Variants in SSUH2 observed in about 807,000 individuals in gnomAD.
SSUH2 encodes ssu-2 homolog, also known as protein SSUH2 homolog.
SSUH2 carries 47 observed loss-of-function variants against 55.3 expected under a neutral mutation model. The ratio of observed to expected loss-of-function variants is 0.85; its 90% CI spans 0.67 to 1.08. The LOEUF (loss-of-function observed/expected upper bound fraction) is 1.08, where lower values mean the gene tolerates loss of function less well. SSUH2 is among the 50% of genes least tolerant of loss of function. The pLI is 0.00. For synonymous variants in SSUH2, 212 were observed against 191.5 expected (o/e 1.11, Z -0.89); for missense variants, 535 against 490.7 (o/e 1.09, Z -0.85).
intron 3 of SSUH2, among the ~76,000 whole-genome samples, chr3:8,673,470 G>A (rs1476215402): frequency 2.6e-5 from 4 of 152,052 alleles, no homozygotes; most frequent in African/African-American, 9.7e-5. Context: ...GCATGTTTTT[G>A]TGTACCAGCC....
At chr3:8,644,342 T>C (rs1701370631) in intron 1 of SSUH2, among the ~76,000 whole-genome samples, 1 of 152,196 alleles carries the variant, frequency 6.6e-6, no homozygotes, top group African/African-American at 2.4e-5. Context: ...CAGGAGACAC[T>C]GTCAACTAGA....
intron 1 of SSUH2, among the ~76,000 whole-genome samples, chr3:8,636,339 T>A (rs1227756726): frequency 6.6e-6 from 1 of 152,054 alleles, no homozygotes; most frequent in Non-Finnish European, 1.5e-5. Flanking sequence ...TAAGACTACA[T>A]GGAAGGAGGT....
intron 1 of SSUH2, among the ~76,000 whole-genome samples, chr3:8,680,778 T>C (rs1260425422): frequency 6.6e-6 from 1 of 152,062 alleles, no homozygotes; most frequent in Non-Finnish European, 1.5e-5. Flanking sequence ...TGGAGTAATA[T>C]CAACCTCTCG....
Position 8,623,674 on chromosome 3 carries a change from A to T in SSUH2, c.874-18T>A, listed in dbSNP as rs9809581. The T allele has an allele frequency of 8.0e-6, 11 of 1,370,308 alleles. No homozygotes were observed. The South Asian group carries it at 9.3e-5, about 12-fold the overall frequency. The allele number at this position is 1,370,308 out of a possible 1,614,324, so 84.9% of individuals were successfully genotyped here. ...GGGTACACCTGGGGGAAAGAGAGAG[A>T]GACACAGACCACCTGGCTGCCGCAC... On this transcript the variant is annotated intron_variant, in intron 10 of 11. Coordinates refer to ENST00000544814, the MANE Select transcript of SSUH2 (RefSeq NM_001256748.3).
intron 5 of SSUH2, among the ~76,000 whole-genome samples, chr3:8,669,863 C>A (rs1287075997): frequency 2.2e-5 from 2 of 91,960 alleles, no homozygotes; most frequent in African/African-American, 5.9e-5. Context: ...TGTCACAGAT[C>A]GGAGGAGAAC....
rs553579845 is a variant in SSUH2, at chr3:8,680,187, A to G, written c.-1045-338T>C. On this transcript the variant is annotated intron_variant, in intron 1 of 18. Transcript: ENST00000317371. ...CTCTAAACAACTAGACAGGGTTTCT[A>G]AAGGATGGCCCCCCGTTTGAGGGCC... 7.9e-5 allele frequency among the ~76,000 whole-genome samples: 12 copies of G among 152,312 alleles called. No homozygotes were observed. In the South Asian group the frequency reaches 2.3e-3, roughly 29 times the overall value.
chr3:8,679,179 C>CT lies in SSUH2; in HGVS notation c.-901+525_-901+526insA, dbSNP rs1355171707. Among the ~76,000 whole-genome samples, 23 of 5,628 alleles carry CT rather than the reference C, an allele frequency of 4.1e-3. 7 individuals carry two copies. The highest frequency in any genetic ancestry group is 0.021 in the South Asian group (1 of 48). 3.7% of individuals were successfully genotyped at this position (5,628 alleles called of 152,430 possible). A position where few individuals can be genotyped will look rare whatever the true frequency, so the allele number is the denominator to read the frequency against. On this transcript the variant is annotated intron_variant, in intron 2 of 18. Transcript: ENST00000317371. ...GGACTGAGAGGCAGCCGCTGTTCCC[C>CT]CACACTGGCTCTTGGGACCCCCATC... is the stretch of plus-strand genomic sequence containing the variant.
Position 8,633,813 on chromosome 3 carries a change from G to C in SSUH2, c.210-18C>G, listed in dbSNP as rs774885903. 5.0e-6 allele frequency: 8 copies of C among 1,613,662 alleles called. No homozygotes were observed. The highest frequency in any genetic ancestry group is 1.7e-5 in the Admixed American group (1 of 60,014). ...CAGGGACTCTGCAGGGGACCGAACA[G>C]AGAGGCGGGGGCTTCTGGGAAGGGC... On this transcript the variant is annotated intron_variant, in intron 3 of 11. Coordinates refer to ENST00000544814, the MANE Select transcript of SSUH2 (RefSeq NM_001256748.3).
intron 1 of SSUH2, among the ~76,000 whole-genome samples, chr3:8,641,478 TG>T (rs1477261211): frequency 9.2e-5 from 14 of 152,334 alleles, no homozygotes; most frequent in African/African-American, 3.4e-4. Context: ...GAGGGGACTC[TG>T]GAAACTGATT....
intron 3 of SSUH2, among the ~76,000 whole-genome samples, chr3:8,672,481 GC>G (rs1392013687): frequency 6.6e-6 from 1 of 151,828 alleles, no homozygotes; most frequent in African/African-American, 2.4e-5. Flanking sequence ...CAACCTCTCC[GC>G]CTTTGAATAT....
intron 7 of SSUH2, among the ~76,000 whole-genome samples, chr3:8,650,421 G>C (rs1702260619): frequency 6.6e-6 from 1 of 152,206 alleles, no homozygotes. Context: ...ATGCTCTATA[G>C]ACATGTGATG....
At chr3:8,632,160 A>G (rs373381492) in intron 4 of SSUH2, 51 bp from the exon 5 acceptor site, 7 of 1,492,890 alleles carry the variant, frequency 4.7e-6, no homozygotes, top group Non-Finnish European at 6.5e-6. Context: ...ATGAAGACAG[A>G]GCATTATGCA....
At chr3:8,676,643 C>T (rs200342999) in intron 3 of SSUH2, among the ~76,000 whole-genome samples, 3 of 150,968 alleles carry the variant, frequency 2.0e-5, no homozygotes, top group South Asian at 2.1e-4. Flanking sequence ...GTCATATCTG[C>T]CTATTATGGG....
At chr3:8,680,992 AC>A (rs1467531125) in intron 1 of SSUH2, among the ~76,000 whole-genome samples, 7 of 151,172 alleles carry the variant, frequency 4.6e-5, no homozygotes, top group South Asian at 2.1e-4. Flanking sequence ...GGCTCTTAGG[AC>A]CCCCATCGCA....
At chr3:8,674,045 G>A (rs1704933208) in intron 3 of SSUH2, among the ~76,000 whole-genome samples, 1 of 152,216 alleles carries the variant, frequency 6.6e-6, no homozygotes, top group African/African-American at 2.4e-5. Context: ...GAAGCAGGCT[G>A]GGCTTGCAGG....
At chr3:8,621,041 C>T (rs1475010450) in intron 11 of SSUH2, among the ~76,000 whole-genome samples, 2 of 152,178 alleles carry the variant, frequency 1.3e-5, no homozygotes, top group African/African-American at 4.8e-5. Context: ...ATTAGGCTCC[C>T]ATCTGTACTG....
chr3:8,619,715 G>A lies in SSUH2; in HGVS notation c.*153C>T, dbSNP rs1696032463. 2 of 803,048 alleles carry A rather than the reference G, an allele frequency of 2.5e-6. No individual in the cohort carries two copies. The highest frequency in any genetic ancestry group is 2.7e-5 in the East Asian group (1 of 37,414). The allele number at this position is 803,048 out of a possible 1,614,324, so 49.7% of individuals were successfully genotyped here. A position where few individuals can be genotyped will look rare whatever the true frequency, so the allele number is the denominator to read the frequency against. On this transcript the variant is annotated 3_prime_UTR_variant, in exon 12 of 12. Transcript: ENST00000544814. ...ACCAGAGGAGCTGTATAAGGGGTTG[G>A]AGCTTGATAGATGATAAGCTGGTTT...
chr3:8,675,649 C>T (rs1705161380), intron 3 of SSUH2, among the ~76,000 whole-genome samples: 1 of 152,138 alleles, frequency 6.6e-6, no homozygotes, highest in Non-Finnish European at 1.5e-5. Flanking sequence ...AGAAGTCAGG[C>T]GAGAGACTTC....
intron 1 of SSUH2, among the ~76,000 whole-genome samples, chr3:8,643,828 G>A (rs1701276624): frequency 6.6e-6 from 1 of 152,116 alleles, no homozygotes; most frequent in South Asian, 2.1e-4. Context: ...CACCCTCATG[G>A]TCCTCAGATT....
Sources: allele counts gnomAD v4.1 joint callset (sites outside exome capture counted in the v4.1 genomes callset), GRCh38; gene constraint gnomAD v4.1.1; transcripts MANE v1.5; gene names NCBI Gene and HGNC (gene_info 2026-07-23, HGNC 2026-07-21).